The following CKAP4 variants were observed in gnomAD, a reference collection of about 807,000 sequenced individuals.
The protein encoded by CKAP4 is cytoskeleton-associated protein 4.
In CKAP4, 20 loss-of-function variants were observed where a neutral mutation model predicts 24.4. The observed-to-expected ratio is 0.82, with a 90% confidence interval of 0.58 to 1.19. The LOEUF (loss-of-function observed/expected upper bound fraction) is 1.19, where lower values mean the gene tolerates loss of function less well. CKAP4 is among the 50% of genes most tolerant of loss of function. The pLI is 0.00. For synonymous variants in CKAP4, 378 were observed against 351.7 expected, an observed-to-expected ratio of 1.07 and a Z score of -0.84; for missense variants, 744 against 765.3, an observed-to-expected ratio of 0.97 and a Z score of 0.33.
intron 1 of CKAP4, among the ~76,000 whole-genome samples, chr12:106,243,648 T>C (rs1267062232): frequency 6.6e-6 from 1 of 152,208 alleles, no homozygotes; most frequent in African/African-American, 2.4e-5. Context: ...CAGGACCCAC[T>C]TGTGCCTGCT....
In CKAP4 at chr12:106,239,305, C is replaced by T. The variant is rs760116383; in HGVS notation, c.1528G>A (p.Val510Met). The change falls in exon 2 of 2, where the codon GTG becomes ATG. Residue 510 changes from valine to methionine, a missense_variant. This residue lies in a region of CKAP4 where 401 missense variants were observed against 424.5 expected (regional missense o/e 0.94). Transcript: ENST00000378026. This position sits in a 1 kb window ranked among gnomAD's most constrained non-coding sequence, Gnocchi z 4.9. ...VESLQKVQEQ[V>M]HTLLSQDQAQ... ...TGGTCCTGACTGAGCAGCGTGTGCA[C>T]CTGCTCCTGCACCTTCTGGAGTGAT... The T allele has an allele frequency of 1.2e-6, 2 of 1,610,774 alleles. No individual in the cohort carries two copies. Among genetic ancestry groups the T allele is most frequent in the Admixed American group, 1.7e-5 (1 of 60,010 alleles).
chr12:106,239,167 C>A lies in CKAP4; in HGVS notation c.1666G>T (p.Ala556Ser). 6.2e-7 allele frequency: 1 copy of A among 1,614,148 alleles called. No homozygotes were observed. Among genetic ancestry groups the A allele is most frequent in the Non-Finnish European group, 8.5e-7 (1 of 1,180,038 alleles). ...VEADLKMLRT[A>S]VDSLVAYSVK... ...GAGTATGCAACCAAACTGTCCACAG[C>A]AGTCCTGAGCATTTTCAAGTCCGCC... The change falls in exon 2 of 2, where the codon GCT becomes TCT. Residue 556 changes from alanine to serine, a missense_variant. Coordinates refer to ENST00000378026, the MANE Select transcript of CKAP4 (RefSeq NM_006825.4). The surrounding 1 kb of genome is among the most constrained non-coding windows in gnomAD (Gnocchi z 4.9).
chr12:106,240,455 G>T, intron 1 of CKAP4, 106 bp from the exon 2 acceptor site: 7 of 1,285,002 alleles, frequency 5.4e-6, no homozygotes, highest in Non-Finnish European at 2.1e-6. Context: ...TTTCCAGAAT[G>T]TCACCACAAT....
chr12:106,238,936 G>C lies in CKAP4; in HGVS notation c.*88C>G. 1.4e-6 allele frequency: 2 copies of C among 1,425,270 alleles called. No individual in the cohort carries two copies. The highest frequency in any genetic ancestry group is 1.9e-6 in the Non-Finnish European group (2 of 1,038,554). 88.3% of individuals were successfully genotyped at this position (1,425,270 alleles called of 1,614,324 possible). ...CTCTTTAAGAGGGGACAAGAAATTG[G>C]GGGGTAGGGGACACATGGGAAAAAA... is the stretch of plus-strand genomic sequence containing the variant. On this transcript the variant is annotated 3_prime_UTR_variant, in exon 2 of 2. Coordinates refer to ENST00000378026, the MANE Select transcript of CKAP4 (RefSeq NM_006825.4).
chr12:106,244,298 C>G (rs748678215), intron 1 of CKAP4, among the ~76,000 whole-genome samples: 21 of 152,212 alleles, frequency 1.4e-4, no homozygotes, highest in Non-Finnish European at 2.5e-4. Flanking sequence ...GCTATATCAC[C>G]GCTCAGTTAC....
At position 106,237,992 on chromosome 12, in the gene CKAP4, G is replaced by GTTTTTTTTTTTTT; in HGVS notation, c.*1019_*1031dup. The GTTTTTTTTTTTTT allele has an allele frequency of 2.8e-5, 2 of 70,514 alleles. No individual in the cohort carries two copies. Among genetic ancestry groups the GTTTTTTTTTTTTT allele is most frequent in the Non-Finnish European group, 4.8e-5 (2 of 41,608 alleles). The allele number at this position is 70,514 out of a possible 1,614,324, so 4.4% of individuals were successfully genotyped here. A position where few individuals can be genotyped will look rare whatever the true frequency, so the allele number is the denominator to read the frequency against. Reference sequence around the variant, plus strand: ...TTTTTTTTTTTTTTTTACTTTTCGGGTTTTTTTTTTTTTTTTTTTTTCAAT... The same window carrying GTTTTTTTTTTTTT: ...TTTTTTTTTTTTTTTTACTTTTCGGGTTTTTTTTTTTTTTTTTTTTTTTTTTTTTTTTTTCAAT... On this transcript the variant is annotated 3_prime_UTR_variant, in exon 2 of 2. Transcript: ENST00000378026.
Position 106,240,081 on chromosome 12 carries a change from T to C in CKAP4, c.752A>G (p.Asn251Ser). The part of the protein sequence containing the change: ...LTELTKSIND[N>S]IAIFTEVQKR... ...CTGGACTTCTGTGAAGATGGCGATG[T>C]TGTCGTTGATGGATTTGGTGAGCTC... The change falls in exon 2 of 2, where the codon AAC (asparagine) becomes AGC (serine). Residue 251 changes from asparagine to serine, a missense_variant. By Grantham distance (46) the Asn-to-Ser change is conservative. This residue lies in a region of CKAP4 where 43 missense variants were observed against 76.4 expected (regional missense o/e 0.56). Coordinates refer to ENST00000378026, the MANE Select transcript of CKAP4 (RefSeq NM_006825.4). The C allele has an allele frequency of 6.2e-7, 1 of 1,614,154 alleles. No homozygotes were observed. The highest frequency in any genetic ancestry group is 8.5e-7 in the Non-Finnish European group (1 of 1,180,022).
In CKAP4 at chr12:106,240,034, T is replaced by C. The variant is rs1424071040; in HGVS notation, c.799A>G (p.Asn267Asp). Residue 267 changes from asparagine to aspartate, a missense_variant, in exon 2 of 2, where the codon AAT becomes GAT. Physicochemically the swap from Asn to Asp is conservative, Grantham distance 23. Transcript: ENST00000378026. ...GAGGCAACCTTTGCCTTCATGTCAT[T>C]GATCTCCTTCTGGCTCCTCTTCTGG... Reference protein sequence around the residue: ...EVQKRSQKEINDMKAKVASLE... With the variant: ...EVQKRSQKEIDDMKAKVASLE... 1 of 1,614,092 alleles carries C rather than the reference T, an allele frequency of 6.2e-7. No individual in the cohort carries two copies.
chr12:106,247,361 G>A lies in CKAP4; in HGVS notation c.483+8C>T, dbSNP rs762832568. 2.6e-6 allele frequency: 4 copies of A among 1,520,962 alleles called. No homozygotes were observed. Among genetic ancestry groups the A allele is most frequent in the Non-Finnish European group, 3.5e-6 (4 of 1,138,410 alleles). 94.2% of individuals were successfully genotyped at this position (1,520,962 alleles called of 1,614,324 possible). A position where few individuals can be genotyped will look rare whatever the true frequency, so the allele number is the denominator to read the frequency against. On this transcript the variant is annotated splice_region_variant and intron_variant, in intron 1 of 1. Coordinates refer to ENST00000378026, the MANE Select transcript of CKAP4 (RefSeq NM_006825.4). This position sits in a 1 kb window ranked among gnomAD's most constrained non-coding sequence, Gnocchi z 4.5. ...GATGGGGACAGTTGCGGGGCCGGGG[G>A]TACCCACCTTCTGCTCGACGCCCTG...
chr12:106,240,206 A>C lies in CKAP4; in HGVS notation c.627T>G (p.Asn209Lys). Residue 209 changes from asparagine to lysine, a missense_variant, in exon 2 of 2, where the codon AAT becomes AAG. Transcript: ENST00000378026. ...CATCCGAGAGGTCTTTGAGAATCTC[A>C]TTCTGGAGTTTCTGCAGCACTTCGC... ...RISEVLQKLQ[N>K]EILKDLSDGI... 1.2e-6 allele frequency: 2 copies of C among 1,614,102 alleles called. No individual in the cohort carries two copies. The highest frequency in any genetic ancestry group is 4.5e-5 in the East Asian group (2 of 44,864).
rs368595011 is a variant in CKAP4 at position 106,239,298 on chromosome 12, G to T, written c.1535C>A (p.Thr512Lys). The stretch of plus-strand genomic sequence containing the variant: ...CTGGGCTTGGTCCTGACTGAGCAGC[G>T]TGTGCACCTGCTCCTGCACCTTCTG... ...SLQKVQEQVH[T>K]LLSQDQAQAA... The change falls in exon 2 of 2, where the codon ACG becomes AAG. Residue 512 changes from threonine (T) to lysine (K), a missense_variant. This residue lies in a region of CKAP4 where 401 missense variants were observed against 424.5 expected (regional missense o/e 0.94). Transcript: ENST00000378026. This position sits in a 1 kb window ranked among gnomAD's most constrained non-coding sequence, Gnocchi z 4.9. 7 of 1,611,250 alleles carry T rather than the reference G, an allele frequency of 4.3e-6. No homozygotes were observed. The highest frequency in any genetic ancestry group is 1.7e-6 in the Non-Finnish European group (2 of 1,180,002).
At position 106,239,286 on chromosome 12, in the gene CKAP4, T is replaced by C; in HGVS notation, c.1547A>G (p.Gln516Arg). ...CAGACGGGCGGCCTGGGCTTGGTCC[T>C]GACTGAGCAGCGTGTGCACCTGCTC... ...VQEQVHTLLS[Q>R]DQAQAARLPP... is the part of the protein sequence containing the mutation. The change falls in exon 2 of 2, where the codon CAG becomes CGG. Residue 516 changes from glutamine (Q) to arginine (R), a missense_variant. By Grantham distance (43) the Gln-to-Arg change is conservative (BLOSUM62 1). Coordinates refer to ENST00000378026, the MANE Select transcript of CKAP4 (RefSeq NM_006825.4). The surrounding 1 kb of genome is among the most constrained non-coding windows in gnomAD (Gnocchi z 4.9). The C allele has an allele frequency of 5.0e-6, 8 of 1,612,546 alleles. No homozygotes were observed. Among genetic ancestry groups the C allele is most frequent in the Non-Finnish European group, 6.8e-6 (8 of 1,180,030 alleles).
chr12:106,238,923 G>T lies in CKAP4; in HGVS notation c.*101C>A. 1 of 1,292,570 alleles carries T rather than the reference G, an allele frequency of 7.7e-7. No homozygotes were observed. The highest frequency in any genetic ancestry group is 1.1e-6 in the Non-Finnish European group (1 of 921,736). 80.1% of individuals were successfully genotyped at this position (1,292,570 alleles called of 1,614,324 possible). On this transcript the variant is annotated 3_prime_UTR_variant, in exon 2 of 2. Transcript: ENST00000378026. The stretch of plus-strand genomic sequence containing the variant: ...GTGGTGACAACTGCTCTTTAAGAGG[G>T]GACAAGAAATTGGGGGGTAGGGGAC...
rs749545101 is a variant in CKAP4 at position 106,239,382 on chromosome 12, C to T, written c.1451G>A (p.Gly484Asp). Residue 484 changes from glycine (G) to aspartate (D), a missense_variant, in exon 2 of 2, where the codon GGT becomes GAT. By Grantham distance (94) the Gly-to-Asp change is moderately conservative. Coordinates refer to ENST00000378026, the MANE Select transcript of CKAP4 (RefSeq NM_006825.4). This position sits in a 1 kb window ranked among gnomAD's most constrained non-coding sequence, Gnocchi z 4.9. The part of the protein sequence containing the change: ...SLGETQLVLY[G>D]DVEELKRSVG... Reference sequence around the variant, plus strand: ...ACTCCTCTTCAGCTCCTCCACGTCACCGTAGAGCACCAGCTGGGTCTCGCC... The same window carrying T: ...ACTCCTCTTCAGCTCCTCCACGTCATCGTAGAGCACCAGCTGGGTCTCGCC... The T allele has an allele frequency of 6.2e-7, 1 of 1,601,366 alleles. No individual in the cohort carries two copies. Among genetic ancestry groups the T allele is most frequent in the Admixed American group, 1.7e-5 (1 of 59,986 alleles).
At chr12:106,244,112 T>G (rs1167063817) in intron 1 of CKAP4, among the ~76,000 whole-genome samples, 3 of 152,214 alleles carry the variant, frequency 2.0e-5, no homozygotes, top group African/African-American at 4.8e-5. Context: ...ACCCCAAAGA[T>G]ACAGACAGAG....
In CKAP4 at chr12:106,247,444, C is replaced by A; in HGVS notation, c.408G>T (p.Gln136His). ...CVHHVLEEVQ[Q>H]VRRSHQDFSR... Reference sequence around the variant, plus strand: ...AGAAGTCCTGGTGGCTGCGCCGGACCTGCTGGACCTCCTCCAGGACGTGGT... The same window carrying A: ...AGAAGTCCTGGTGGCTGCGCCGGACATGCTGGACCTCCTCCAGGACGTGGT... Residue 136 changes from glutamine to histidine, a missense_variant, in exon 1 of 2, where the codon CAG becomes CAT. Gln to His is a conservative substitution (Grantham distance 24). Transcript: ENST00000378026. This position sits in a 1 kb window ranked among gnomAD's most constrained non-coding sequence, Gnocchi z 4.5. The A allele has an allele frequency of 6.5e-7, 1 of 1,544,684 alleles. No individual in the cohort carries two copies. Among genetic ancestry groups the A allele is most frequent in the East Asian group, 2.5e-5 (1 of 40,558 alleles).
At chr12:106,241,268 G>A (rs1338953310) in intron 1 of CKAP4, among the ~76,000 whole-genome samples, 4 of 151,380 alleles carry the variant, frequency 2.6e-5, no homozygotes, top group Non-Finnish European at 5.9e-5. Flanking sequence ...GGAAAGGAAC[G>A]CTTATCAGTT....
In CKAP4 at chr12:106,240,233, G is replaced by A. The variant is rs1369876784; in HGVS notation, c.600C>T (p.Ile200=). The A allele has an allele frequency of 4.3e-6, 7 of 1,614,062 alleles. No homozygotes were observed. The Admixed American group carries it at 8.3e-5, about 19-fold the overall frequency. The change falls in exon 2 of 2, where the codon ATC becomes ATT. Residue 200 remains isoleucine (I), a synonymous_variant. Transcript: ENST00000378026. ...TCTGGAGTTTCTGCAGCACTTCGCT[G>A]ATCCGGCTGACCTCACTCTCCCCTT... is the stretch of plus-strand genomic sequence containing the variant. The part of the protein sequence containing the change: ...VKQGESEVSR[I]SEVLQKLQNE...
chr12:106,238,928 A>G lies in CKAP4; in HGVS notation c.*96T>C. On this transcript the variant is annotated 3_prime_UTR_variant, in exon 2 of 2. Transcript: ENST00000378026. ...GACAACTGCTCTTTAAGAGGGGACA[A>G]GAAATTGGGGGGTAGGGGACACATG... 7.3e-7 allele frequency: 1 copy of G among 1,378,108 alleles called. No homozygotes were observed. 85.4% of individuals were successfully genotyped at this position (1,378,108 alleles called of 1,614,324 possible).
Sources: gnomAD v4.1 joint callset for allele counts (sites outside exome capture counted in the v4.1 genomes callset) on GRCh38, gnomAD v4.1.1 for gene constraint, gnomAD v4.1.1 regional missense constraint, Gnocchi (gnomAD v3.1) non-coding constraint, MANE v1.5 for transcripts, NCBI Gene and HGNC (gene_info 2026-07-23, HGNC 2026-07-21) for gene names.